Variants in CDKN2B-AS1 observed in about 807,000 individuals in gnomAD.
The protein encoded by CDKN2B-AS1 is CDKN2B antisense RNA 1 (non-protein coding).
chr9:22,076,372 G>T (rs973810102), intron 4 of CDKN2B-AS1, among the ~76,000 whole-genome samples: 1 of 151,888 alleles, frequency 6.6e-6, no homozygotes, highest in Non-Finnish European at 1.5e-5. Flanking sequence ...CATAAACAAA[G>T]AAATAAAAAT....
chr9:22,085,205 T>C (rs1257600430), intron 4 of CDKN2B-AS1, among the ~76,000 whole-genome samples: 2 of 152,186 alleles, frequency 1.3e-5, no homozygotes, highest in African/African-American at 2.4e-5. Flanking sequence ...AAAAAGTTTA[T>C]CAGTTAATTA....
At chr9:22,044,479 A>G (rs939147460) in intron 1 of CDKN2B-AS1, among the ~76,000 whole-genome samples, 2 of 152,018 alleles carry the variant, frequency 1.3e-5, no homozygotes, top group African/African-American at 4.8e-5. Context: ...GTAAGTTCAT[A>G]TATATTTTTG....
intron 4 of CDKN2B-AS1, among the ~76,000 whole-genome samples, chr9:22,108,822 A>G (rs1000755840): frequency 6.6e-6 from 1 of 152,208 alleles, no homozygotes; most frequent in African/African-American, 2.4e-5. Flanking sequence ...CCACGGAGCA[A>G]CAACAGATTA....
chr9:22,064,682 TG>T (rs1433408881), intron 4 of CDKN2B-AS1, among the ~76,000 whole-genome samples: 1 of 152,154 alleles, frequency 6.6e-6, no homozygotes, highest in African/African-American at 2.4e-5. Flanking sequence ...GTTCACTGTG[TG>T]GAGCCTGGGG....
chr9:22,002,194 A>T (rs1054423381), intron 1 of CDKN2B-AS1, among the ~76,000 whole-genome samples: 1 of 152,092 alleles, frequency 6.6e-6, no homozygotes, highest in Non-Finnish European at 1.5e-5. Context: ...GGTTATGATT[A>T]GTTGCTGACA....
chr9:22,062,204 C>G (rs760406653), intron 4 of CDKN2B-AS1, among the ~76,000 whole-genome samples: 12 of 152,134 alleles, frequency 7.9e-5, no homozygotes, highest in Non-Finnish European at 1.8e-4. Context: ...CAAGTGAAGC[C>G]TCCATAACCT....
intron 4 of CDKN2B-AS1, among the ~76,000 whole-genome samples, chr9:22,124,091 T>A (rs979079673): frequency 1.3e-5 from 2 of 151,672 alleles, no homozygotes; most frequent in East Asian, 1.9e-4. Context: ...GTAGTTTTTT[T>A]ATGAACATAT....
At chr9:22,048,125 A>G (rs1481460630) in intron 2 of CDKN2B-AS1, among the ~76,000 whole-genome samples, 1 of 152,092 alleles carries the variant, frequency 6.6e-6, no homozygotes, top group Non-Finnish European at 1.5e-5. Flanking sequence ...TGGAAACCCA[A>G]AATATGACAT....
chr9:22,053,863 A>G (rs1823452038), intron 3 of CDKN2B-AS1, among the ~76,000 whole-genome samples: 1 of 152,180 alleles, frequency 6.6e-6, no homozygotes, highest in South Asian at 2.1e-4. Flanking sequence ...CAGCCATCGA[A>G]GGAAAAAATA....
At chr9:21,998,632 T>G (rs935077782) in intron 1 of CDKN2B-AS1, among the ~76,000 whole-genome samples, 3 of 152,028 alleles carry the variant, frequency 2.0e-5, no homozygotes, top group African/African-American at 7.3e-5. Flanking sequence ...GTTAATTGAG[T>G]TTTTTTTAAC....
chr9:22,059,407 C>T (rs184067580), intron 4 of CDKN2B-AS1, among the ~76,000 whole-genome samples: 1 of 152,278 alleles, frequency 6.6e-6, no homozygotes, highest in East Asian at 1.9e-4. Flanking sequence ...TTTGAAGCTC[C>T]AAAATGATCT....
chr9:22,046,745 A>T (rs529860221), intron 1 of CDKN2B-AS1: 1 of 152,276 alleles, frequency 6.6e-6, no homozygotes, highest in East Asian at 1.9e-4. Context: ...TTTCTCCTAC[A>T]TCCAGTGTCC....
chr9:22,091,530 A>G (rs573401172), intron 4 of CDKN2B-AS1, among the ~76,000 whole-genome samples: 80 of 152,256 alleles, frequency 5.3e-4, no homozygotes, highest in African/African-American at 1.9e-3. Flanking sequence ...TTCTCCTTGA[A>G]GAGGTCCTTC....
At chr9:22,012,537 A>C in intron 1 of CDKN2B-AS1, 1 of 604,464 alleles carries the variant, frequency 1.7e-6, no homozygotes, top group Non-Finnish European at 3.2e-6. Context: ...AAGGTCAAAT[A>C]AGGCTCTTCC....
intron 4 of CDKN2B-AS1, among the ~76,000 whole-genome samples, chr9:22,059,570 T>G (rs1216611833): frequency 6.6e-6 from 1 of 152,172 alleles, no homozygotes; most frequent in African/African-American, 2.4e-5. Flanking sequence ...CTTTTCCAGA[T>G]GAATAGTGTA....
At chr9:22,105,596 AG>A (rs1825631721) in intron 4 of CDKN2B-AS1, among the ~76,000 whole-genome samples, 1 of 152,190 alleles carries the variant, frequency 6.6e-6, no homozygotes, top group Non-Finnish European at 1.5e-5. Context: ...AGAGAGACTC[AG>A]GCAGATGCTA....
At chr9:22,115,457 A>T (rs1195251996) in intron 4 of CDKN2B-AS1, among the ~76,000 whole-genome samples, 1 of 152,182 alleles carries the variant, frequency 6.6e-6, no homozygotes, top group Middle Eastern at 3.2e-3. Flanking sequence ...TTACATCACC[A>T]AGTACATGGA....
At chr9:22,080,127 G>T (rs920800329) in intron 4 of CDKN2B-AS1, among the ~76,000 whole-genome samples, 1 of 152,190 alleles carries the variant, frequency 6.6e-6, no homozygotes, top group Non-Finnish European at 1.5e-5. Context: ...CACCAAAGGC[G>T]TGAGCTGTTA....
chr9:22,043,643 T>A lies in CDKN2B-AS1; in HGVS notation n.30-3108T>A, dbSNP rs558013951. ...TATTTCATTGTTTTCCAAACTTTAG[T>A]TATTTATGTGCCATCTTCATGATTA... On this transcript the variant is annotated intron_variant and non_coding_transcript_variant, in intron 1 of 4. Transcript: ENST00000650946. Among the ~76,000 whole-genome samples the A allele has an allele frequency of 6.8e-4, 104 of 152,150 alleles. 1 individual carries two copies. The highest frequency in any genetic ancestry group is 1.4e-3 in the Non-Finnish European group (92 of 67,936).
Sources: gnomAD v4.1 joint callset for allele counts (sites outside exome capture counted in the v4.1 genomes callset) on GRCh38, gnomAD v4.1.1 for gene constraint, MANE v1.5 for transcripts, NCBI Gene and HGNC (gene_info 2026-07-23, HGNC 2026-07-21) for gene names.